The following SPATA22 variants were observed in gnomAD, a reference collection of about 807,000 sequenced individuals.
SPATA22 encodes the protein spermatogenesis associated 22, also known as spermatogenesis-associated protein 22.
A neutral mutation model predicts 47.8 loss-of-function variants in SPATA22; 29 were observed. That is an observed-to-expected ratio of 0.61 (90% CI 0.45 to 0.83). The LOEUF (loss-of-function observed/expected upper bound fraction) is 0.83, where lower values mean the gene tolerates loss of function less well. Ranked by LOEUF, SPATA22 falls within the 40% of genes least tolerant of loss-of-function variation. The pLI is 0.00. For missense variants in SPATA22, 410 were observed against 421.7 expected, an observed-to-expected ratio of 0.97 and a Z score of 0.24; for synonymous variants, 133 against 140.9, an observed-to-expected ratio of 0.94 and a Z score of 0.40.
intron 1 of SPATA22, among the ~76,000 whole-genome samples, chr17:3,493,317 C>G (rs2150757624): frequency 6.6e-6 from 1 of 152,188 alleles, no homozygotes; most frequent in South Asian, 2.1e-4. Flanking sequence ...AATCCCAGCA[C>G]TTGGGGAGGC....
At chr17:3,489,990 A>G (rs2073796876) in intron 1 of SPATA22, among the ~76,000 whole-genome samples, 1 of 152,238 alleles carries the variant, frequency 6.6e-6, no homozygotes, top group Non-Finnish European at 1.5e-5. Context: ...CTAACATGGA[A>G]GAATCTTCAA....
At chr17:3,497,706 C>T (rs9941396) in intron 1 of SPATA22, among the ~76,000 whole-genome samples, 6,655 of 152,112 alleles carry the variant, frequency 0.044, 350 homozygotes, top group East Asian at 0.28. Flanking sequence ...ATGTCGTGCA[C>T]GTGAACGTCA....
intron 1 of SPATA22, chr17:3,510,750 G>A (rs574290643): frequency 5.9e-5 from 9 of 152,270 alleles, no homozygotes; most frequent in African/African-American, 1.2e-4. Context: ...AATCAAGTAC[G>A]GCTTACAGGC....
chr17:3,466,773 A>G (rs1452031286), intron 3 of SPATA22, among the ~76,000 whole-genome samples: 2 of 152,180 alleles, frequency 1.3e-5, no homozygotes, highest in Non-Finnish European at 2.9e-5. Context: ...AGGACGGAAA[A>G]GCTCCCTCAT....
At chr17:3,460,335 A>G (rs2073098056) in intron 5 of SPATA22, among the ~76,000 whole-genome samples, 1 of 152,190 alleles carries the variant, frequency 6.6e-6, no homozygotes, top group South Asian at 2.1e-4. Flanking sequence ...CAGTGCAACT[A>G]TGAATAATTT....
intron 5 of SPATA22, 55 bp downstream of exon 5, chr17:3,462,428 G>T (rs1344299442): frequency 2.4e-6 from 3 of 1,231,154 alleles, no homozygotes; most frequent in Non-Finnish European, 3.4e-6. Context: ...GAATGAAGAG[G>T]AAGACAGGAA....
At position 3,493,961 on chromosome 17, in the gene SPATA22, T is replaced by C. The variant is rs536616049; in HGVS notation, c.-74+19451A>G. Among the ~76,000 whole-genome samples, 3 of 152,302 alleles carry C rather than the reference T, an allele frequency of 2.0e-5. No individual in the cohort carries two copies. The South Asian group carries it at 6.2e-4, about 32-fold the overall frequency. ...AACTAAACGTTATCTGTTCTCCCCATAGCTGTCTTCATTTTGTTATTGTTG... is the reference window on the plus strand; with the variant it reads ...AACTAAACGTTATCTGTTCTCCCCACAGCTGTCTTCATTTTGTTATTGTTG... On this transcript the variant is annotated intron_variant, in intron 1 of 8. Coordinates refer to the SPATA22 transcript ENST00000541913.
intron 5 of SPATA22, among the ~76,000 whole-genome samples, chr17:3,456,905 AAT>A (rs2073012243): frequency 6.6e-6 from 1 of 151,064 alleles, no homozygotes; most frequent in African/African-American, 2.4e-5. Context: ...TACGCAAATC[AAT>A]AAATGTAATC....
chr17:3,492,282 C>T (rs186995947), intron 1 of SPATA22, among the ~76,000 whole-genome samples: 4 of 152,222 alleles, frequency 2.6e-5, no homozygotes, highest in Non-Finnish European at 5.9e-5. Flanking sequence ...CAGAACAATA[C>T]GGAGAATACT....
intron 6 of SPATA22, 74 bp downstream of exon 6, chr17:3,448,733 C>T: frequency 1.8e-6 from 2 of 1,097,424 alleles, no homozygotes. Flanking sequence ...GCTCTTATCT[C>T]TGTAGTTTTC....
At chr17:3,459,634 C>T (rs1277016958) in intron 5 of SPATA22, among the ~76,000 whole-genome samples, 1 of 152,192 alleles carries the variant, frequency 6.6e-6, no homozygotes, top group East Asian at 1.9e-4. Context: ...TCTCAAACTA[C>T]TGACCTCAAG....
intron 1 of SPATA22, among the ~76,000 whole-genome samples, chr17:3,491,282 T>TA (rs936450880): frequency 5.3e-5 from 8 of 152,176 alleles, no homozygotes; most frequent in East Asian, 1.9e-4. Context: ...TTCTTATGTT[T>TA]AAAAAAAATC....
intron 3 of SPATA22, among the ~76,000 whole-genome samples, chr17:3,466,438 G>C (rs2073316398): frequency 6.6e-6 from 1 of 151,952 alleles, no homozygotes. Flanking sequence ...CCAAACCTAA[G>C]CCAGGATTTC....
rs2073803157 is a variant in SPATA22, at chr17:3,490,341, C to T, written c.-73-20943G>A. Among the ~76,000 whole-genome samples the T allele has an allele frequency of 6.6e-6, 1 of 152,112 alleles. No individual in the cohort carries two copies. The highest frequency in any genetic ancestry group is 6.5e-5 in the Admixed American group (1 of 15,274). ...CATTTATTTGGTAAATCTAAAACTGCACTAAAAAGTCTATTAGTTATAAAA... is the reference window on the plus strand; with the variant it reads ...CATTTATTTGGTAAATCTAAAACTGTACTAAAAAGTCTATTAGTTATAAAA... On this transcript the variant is annotated intron_variant, in intron 1 of 8. Transcript: ENST00000541913. This position sits in a 1 kb window ranked among gnomAD's most constrained non-coding sequence, Gnocchi z 4.6.
rs866030859 is a variant in SPATA22, at chr17:3,481,681, T to C, written c.-73-12283A>G. 8 of 1,613,900 alleles carry C rather than the reference T, an allele frequency of 5.0e-6. No individual in the cohort carries two copies. The Middle Eastern group carries it at 1.3e-3, about 267-fold the overall frequency. On this transcript the variant is annotated intron_variant, in intron 1 of 8. Transcript: ENST00000541913. ...ATCATTTATTTGGTCCAAAAGACAGTGAAGATTCCTATGACATTATTTTTG... is the reference window on the plus strand; with the variant it reads ...ATCATTTATTTGGTCCAAAAGACAGCGAAGATTCCTATGACATTATTTTTG...
rs866392561 is a variant in SPATA22 at position 3,464,902 on chromosome 17, C to T, written c.173-2135G>A. ...TGGGAGGGGGGTGGGGGGGGGTCAG[C>T]CCCCCACCCGGCCAGCCGCCCGGTC... On this transcript the variant is annotated intron_variant, in intron 3 of 8. Coordinates refer to ENST00000572969, the MANE Select transcript of SPATA22 (RefSeq NM_001170698.2). Among the ~76,000 whole-genome samples the T allele has an allele frequency of 5.0e-3, 520 of 104,516 alleles. 64 individuals are homozygous for T. Among genetic ancestry groups the T allele is most frequent in the Middle Eastern group, 0.011 (2 of 186 alleles). 68.6% of individuals were successfully genotyped at this position (104,516 alleles called of 152,430 possible).
At chr17:3,497,943 G>A (rs563880930) in intron 1 of SPATA22, among the ~76,000 whole-genome samples, 3 of 152,204 alleles carry the variant, frequency 2.0e-5, no homozygotes, top group Admixed American at 6.6e-5. Context: ...TGGGGTTCCC[G>A]TGGTGTGACA....
chr17:3,483,354 T>C (rs2073666792), intron 1 of SPATA22: 10 of 707,282 alleles, frequency 1.4e-5, no homozygotes, highest in East Asian at 2.7e-5. Flanking sequence ...TATAATACCA[T>C]TGGGTTTTAA....
chr17:3,488,474 T>A lies in SPATA22; in HGVS notation c.-73-19076A>T, dbSNP rs145400807. On this transcript the variant is annotated intron_variant, in intron 1 of 8. Transcript: ENST00000541913. The surrounding 1 kb of genome is among the most constrained non-coding windows in gnomAD (Gnocchi z 6.1). ...GAGTTTGAGACCAGCCTGACCAACA[T>A]GGTGAAACCCTGCCTCTACTAAAAA... Among the ~76,000 whole-genome samples the A allele has an allele frequency of 3.9e-5, 6 of 152,194 alleles. No individual in the cohort carries two copies. Among genetic ancestry groups the A allele is most frequent in the African/African-American group, 1.4e-4 (6 of 41,548 alleles).
Sources: gnomAD v4.1 joint callset for allele counts (sites outside exome capture counted in the v4.1 genomes callset) on GRCh38, gnomAD v4.1.1 for gene constraint, Gnocchi (gnomAD v3.1) non-coding constraint, MANE v1.5 for transcripts, NCBI Gene and HGNC (gene_info 2026-07-23, HGNC 2026-07-21) for gene names.